RBM15B: variants seen among roughly 807,000 people sequenced by gnomAD.
RBM15B encodes the protein putative RNA-binding protein 15B.
In RBM15B, 11 loss-of-function variants were observed where a neutral mutation model predicts 53.3. That is an observed-to-expected ratio of 0.21 (90% CI 0.13 to 0.34). The LOEUF is 0.34. Ranked by LOEUF, RBM15B falls within the 10% of genes least tolerant of loss-of-function variation. The pLI is 1.00. For missense variants in RBM15B, 1,136 were observed against 1,250.3 expected (o/e 0.91, Z 1.38); for synonymous variants, 631 against 540.7 (o/e 1.17, Z -2.32).
Position 51,393,713 on chromosome 3 carries a change from G to A in RBM15B, c.2314G>A (p.Asp772Asn). The A allele has an allele frequency of 6.2e-7, 1 of 1,613,520 alleles. No homozygotes were observed. Among genetic ancestry groups the A allele is most frequent in the Non-Finnish European group, 8.5e-7 (1 of 1,179,892 alleles). Residue 772 changes from aspartate to asparagine, a missense_variant, in exon 1 of 1, where the codon GAC becomes AAC. By Grantham distance (23) the Asp-to-Asn change is conservative. Coordinates refer to ENST00000563281, the MANE Select transcript of RBM15B (RefSeq NM_013286.5). The surrounding 1 kb of genome is among the most constrained non-coding windows in gnomAD (Gnocchi z 5.6). ...QLKIAQRLRL[D>N]QPKLDEVTRR... Reference sequence around the variant, plus strand: ...GAAGATCGCCCAGCGCCTTCGACTGGACCAGCCCAAGCTTGACGAGGTCAC... The same window carrying A: ...GAAGATCGCCCAGCGCCTTCGACTGAACCAGCCCAAGCTTGACGAGGTCAC...
In RBM15B at chr3:51,391,850, C is replaced by G. The variant is rs199635039; in HGVS notation, c.451C>G (p.Pro151Ala). The stretch of plus-strand genomic sequence containing the variant: ...CATCAGCAGCTTGAGCCCCGCGCTG[C>G]CCGCCGAGCACCTCGAGGACCGGCT... ...LLISSLSPALPAEHLEDRLFH... is the reference protein window; with the variant it reads ...LLISSLSPALAAEHLEDRLFH... The change falls in exon 1 of 1, where the codon CCC (proline) becomes GCC (alanine). Residue 151 changes from proline (P) to alanine (A), a missense_variant. This residue lies in a region of RBM15B where 257 missense variants were observed against 261.1 expected (regional missense o/e 0.98). Transcript: ENST00000563281. This position sits in a 1 kb window ranked among gnomAD's most constrained non-coding sequence, Gnocchi z 4.5. 4 of 1,603,162 alleles carry G rather than the reference C, an allele frequency of 2.5e-6. No individual in the cohort carries two copies. Among genetic ancestry groups the G allele is most frequent in the Non-Finnish European group, 3.4e-6 (4 of 1,179,352 alleles).
Position 51,397,887 on chromosome 3 carries a change from T to A in RBM15B, c.*3815T>A, listed in dbSNP as rs1487450245. The A allele has an allele frequency of 6.0e-6, 1 of 166,676 alleles. No individual in the cohort carries two copies. The highest frequency in any genetic ancestry group is 1.5e-5 in the Non-Finnish European group (1 of 68,102). 10.3% of individuals were successfully genotyped at this position (166,676 alleles called of 1,614,324 possible). On this transcript the variant is annotated 3_prime_UTR_variant, in exon 1 of 1. Coordinates refer to ENST00000563281, the MANE Select transcript of RBM15B (RefSeq NM_013286.5). ...TTATTTTGTATTTTTTTTAAATAAATACACTTTACATTAAAGAAAAAGGCC... is the reference window on the plus strand; with the variant it reads ...TTATTTTGTATTTTTTTTAAATAAAAACACTTTACATTAAAGAAAAAGGCC...
Position 51,392,761 on chromosome 3 carries a change from C to A in RBM15B, c.1362C>A (p.Ser454Arg). 1 of 1,614,202 alleles carries A rather than the reference C, an allele frequency of 6.2e-7. No homozygotes were observed. Residue 454 changes from serine (S) to arginine (R), a missense_variant, in exon 1 of 1, where the codon AGC becomes AGA. Physicochemically the swap from Ser to Arg is moderately radical, Grantham distance 110 (BLOSUM62 -1). This residue lies in a region of RBM15B where 578 missense variants were observed against 581.6 expected (regional missense o/e 0.99). Coordinates refer to ENST00000563281, the MANE Select transcript of RBM15B (RefSeq NM_013286.5). This position sits in a 1 kb window ranked among gnomAD's most constrained non-coding sequence, Gnocchi z 7.5. ...CCATTGATCACGTCAAAGGAGATAG[C>A]TTTGCCTATATTCAGTACGAGAGCT... ...IRTIDHVKGDSFAYIQYESLD... is the reference protein window; with the variant it reads ...IRTIDHVKGDRFAYIQYESLD...
rs1306117351 is a variant in RBM15B at position 51,397,779 on chromosome 3, T to TG, written c.*3709dup. The stretch of plus-strand genomic sequence containing the variant: ...CCTGGAAGGTGTCTTCTCTATGGCC[T>TG]GGCTAGAGCTGCAAAAAAGGGACAC... On this transcript the variant is annotated 3_prime_UTR_variant, in exon 1 of 1. Coordinates refer to ENST00000563281, the MANE Select transcript of RBM15B (RefSeq NM_013286.5). 11 of 167,184 alleles carry TG rather than the reference T, an allele frequency of 6.6e-5. No homozygotes were observed. The East Asian group carries it at 2.1e-3, about 32-fold the overall frequency. 10.4% of individuals were successfully genotyped at this position (167,184 alleles called of 1,614,324 possible).
chr3:51,397,299 T>G lies in RBM15B; in HGVS notation c.*3227T>G, dbSNP rs1326491525. The G allele has an allele frequency of 1.2e-5, 2 of 167,080 alleles. No individual in the cohort carries two copies. Among genetic ancestry groups the G allele is most frequent in the East Asian group, 3.8e-4 (2 of 5,196 alleles). 10.3% of individuals were successfully genotyped at this position (167,080 alleles called of 1,614,324 possible). On this transcript the variant is annotated 3_prime_UTR_variant, in exon 1 of 1. Transcript: ENST00000563281. ...TGGAAATCCCTGGTACCTTGCCTGG[T>G]GGTTACACAGTTTAACCATAGGCCA...
Position 51,391,464 on chromosome 3 carries a change from G to T in RBM15B, c.65G>T (p.Arg22Leu). The change falls in exon 1 of 1, where the codon CGT becomes CTT. Residue 22 changes from arginine (R) to leucine (L), a missense_variant. By Grantham distance (102) the Arg-to-Leu change is moderately radical. This residue lies in a region of RBM15B where 257 missense variants were observed against 261.1 expected (regional missense o/e 0.98). Coordinates refer to ENST00000563281, the MANE Select transcript of RBM15B (RefSeq NM_013286.5). The surrounding 1 kb of genome is among the most constrained non-coding windows in gnomAD (Gnocchi z 4.5). Reference protein sequence around the residue: ...SGRGSSSSAKRPREREREAEA... With the variant: ...SGRGSSSSAKLPREREREAEA... ...CGCGGCTCGTCATCGTCCGCCAAGC[G>T]TCCGCGGGAGCGCGAACGGGAGGCG... 7.9e-7 allele frequency: 1 copy of T among 1,258,108 alleles called. No individual in the cohort carries two copies. Among genetic ancestry groups the T allele is most frequent in the Non-Finnish European group, 1.0e-6 (1 of 998,938 alleles). 77.9% of individuals were successfully genotyped at this position (1,258,108 alleles called of 1,614,324 possible).
rs1553621989 is a variant in RBM15B, at chr3:51,393,520, G to C, written c.2121G>C (p.Lys707Asn). Residue 707 changes from lysine (K) to asparagine (N), a missense_variant, in exon 1 of 1, where the codon AAG (lysine) becomes AAC (asparagine). Coordinates refer to ENST00000563281, the MANE Select transcript of RBM15B (RefSeq NM_013286.5). This position sits in a 1 kb window ranked among gnomAD's most constrained non-coding sequence, Gnocchi z 5.6. ...PLEEPKHETKKLKNLSEYAQT... is the reference protein window; with the variant it reads ...PLEEPKHETKNLKNLSEYAQT... Reference sequence around the variant, plus strand: ...AAGAGCCAAAACACGAGACCAAAAAGCTGAAGAATCTTTCAGAGTACGCTC... The same window carrying C: ...AAGAGCCAAAACACGAGACCAAAAACCTGAAGAATCTTTCAGAGTACGCTC... 1.2e-6 allele frequency: 2 copies of C among 1,614,186 alleles called. No homozygotes were observed. The highest frequency in any genetic ancestry group is 4.5e-5 in the East Asian group (2 of 44,868).
At position 51,393,958 on chromosome 3, in the gene RBM15B, C is replaced by T; in HGVS notation, c.2559C>T (p.Leu853=). 6.6e-7 allele frequency: 1 copy of T among 1,524,496 alleles called. No homozygotes were observed. Among genetic ancestry groups the T allele is most frequent in the Non-Finnish European group, 8.8e-7 (1 of 1,137,078 alleles). The allele number at this position is 1,524,496 out of a possible 1,614,324, so 94.4% of individuals were successfully genotyped here. Residue 853 remains leucine (L), a synonymous_variant, in exon 1 of 1, where the codon CTC becomes CTT. Coordinates refer to ENST00000563281, the MANE Select transcript of RBM15B (RefSeq NM_013286.5). This position sits in a 1 kb window ranked among gnomAD's most constrained non-coding sequence, Gnocchi z 5.6. The stretch of plus-strand genomic sequence containing the variant: ...AGGGCAGAGACGGCACAGGCATGCT[C>T]TACGCCTTCCCACCCTGCGACTTTT... ...GSKGRDGTGM[L]YAFPPCDFSQ...
Position 51,391,772 on chromosome 3 carries a change from G to A in RBM15B, c.373G>A (p.Glu125Lys). The change falls in exon 1 of 1, where the codon GAG becomes AAG. Residue 125 changes from glutamate to lysine, a missense_variant. By Grantham distance (56) the Glu-to-Lys change is moderately conservative (BLOSUM62 1). Around this residue, in one of 7 missense-constraint regions of RBM15B, gnomAD observed 257 missense variants for 261.1 expected, o/e 0.98. Coordinates refer to ENST00000563281, the MANE Select transcript of RBM15B (RefSeq NM_013286.5). The surrounding 1 kb of genome is among the most constrained non-coding windows in gnomAD (Gnocchi z 4.5). Reference sequence around the variant, plus strand: ...GCCGCCTCCGCCACCGCCTGGGGCCGAGCCCGCGTGTCCCGGCTCATCCGC... The same window carrying A: ...GCCGCCTCCGCCACCGCCTGGGGCCAAGCCCGCGTGTCCCGGCTCATCCGC... ...LPPPPPPPGA[E>K]PACPGSSAAA... The A allele has an allele frequency of 1.3e-6, 2 of 1,582,080 alleles. No homozygotes were observed. The highest frequency in any genetic ancestry group is 1.1e-5 in the South Asian group (1 of 89,576).
rs1553621637 is a variant in RBM15B, at chr3:51,392,057, C to G, written c.658C>G (p.Arg220Gly). The change falls in exon 1 of 1, where the codon CGT becomes GGT. Residue 220 changes from arginine (R) to glycine (G), a missense_variant. Transcript: ENST00000563281. The surrounding 1 kb of genome is among the most constrained non-coding windows in gnomAD (Gnocchi z 7.5). ...RPLKVEPVYLRGGGGSSRRSS... is the reference protein window; with the variant it reads ...RPLKVEPVYLGGGGGSSRRSS... ...GCTCAAGGTAGAGCCCGTGTACCTG[C>G]GTGGCGGCGGCGGGAGCAGTCGGCG... is the stretch of plus-strand genomic sequence containing the variant. The G allele has an allele frequency of 6.3e-7, 1 of 1,591,442 alleles. No homozygotes were observed. The highest frequency in any genetic ancestry group is 8.5e-7 in the Non-Finnish European group (1 of 1,176,250).
Position 51,392,844 on chromosome 3 carries a change from A to C in RBM15B, c.1445A>C (p.Asp482Ala). The change falls in exon 1 of 1, where the codon GAC (aspartate) becomes GCC (alanine). Residue 482 changes from aspartate (D) to alanine (A), a missense_variant. Around this residue, in one of 7 missense-constraint regions of RBM15B, gnomAD observed 578 missense variants for 581.6 expected, o/e 0.99. Transcript: ENST00000563281. This position sits in a 1 kb window ranked among gnomAD's most constrained non-coding sequence, Gnocchi z 7.5. ...KMRGFPLGGP[D>A]RRLRVDFAKA... is the part of the protein sequence containing the mutation. Reference sequence around the variant, plus strand: ...AGGGGTTTTCCCTTGGGTGGACCAGACCGCAGGCTCCGCGTGGATTTTGCC... The same window carrying C: ...AGGGGTTTTCCCTTGGGTGGACCAGCCCGCAGGCTCCGCGTGGATTTTGCC... 1.2e-6 allele frequency: 2 copies of C among 1,614,052 alleles called. No homozygotes were observed. Among genetic ancestry groups the C allele is most frequent in the Non-Finnish European group, 1.7e-6 (2 of 1,180,036 alleles).
rs782452004 is a variant in RBM15B, at chr3:51,392,024, G to A, written c.625G>A (p.Asp209Asn). 1.0e-5 allele frequency: 16 copies of A among 1,597,566 alleles called. No homozygotes were observed. The Admixed American group carries it at 1.5e-4, about 15-fold the overall frequency. Residue 209 changes from aspartate to asparagine, a missense_variant, in exon 1 of 1, where the codon GAC becomes AAC. By Grantham distance (23) the Asp-to-Asn change is conservative. Coordinates refer to ENST00000563281, the MANE Select transcript of RBM15B (RefSeq NM_013286.5). The surrounding 1 kb of genome is among the most constrained non-coding windows in gnomAD (Gnocchi z 7.5). ...HALARQLLLY[D>N]RPLKVEPVYL... The stretch of plus-strand genomic sequence containing the variant: ...CCTGGCCCGGCAGCTGCTGCTCTAC[G>A]ACCGCCCGCTCAAGGTAGAGCCCGT...
chr3:51,394,770 A>T lies in RBM15B; in HGVS notation c.*698A>T, dbSNP rs1359659981. The T allele has an allele frequency of 1.2e-5, 2 of 166,938 alleles. No individual in the cohort carries two copies. The highest frequency in any genetic ancestry group is 1.9e-4 in the East Asian group (1 of 5,196). The allele number at this position is 166,938 out of a possible 1,614,324, so 10.3% of individuals were successfully genotyped here. ...TTTGTTTGGGACAGAGTGCCCACTC[A>T]GCATGTTTGGCAGCAGGTAGCCTTC... On this transcript the variant is annotated 3_prime_UTR_variant, in exon 1 of 1. Transcript: ENST00000563281.
chr3:51,394,146 C>T lies in RBM15B; in HGVS notation c.*74C>T. 7.5e-7 allele frequency: 1 copy of T among 1,328,006 alleles called. No homozygotes were observed. The allele number at this position is 1,328,006 out of a possible 1,614,324, so 82.3% of individuals were successfully genotyped here. On this transcript the variant is annotated 3_prime_UTR_variant, in exon 1 of 1. Coordinates refer to ENST00000563281, the MANE Select transcript of RBM15B (RefSeq NM_013286.5). ...TTTTAAAATCTGATCCCCTCTCTAC[C>T]CTACCACTTTGGTTTGAATTATCTC...
rs1276879137 is a variant in RBM15B at position 51,396,762 on chromosome 3, A to C, written c.*2690A>C. The C allele has an allele frequency of 1.8e-5, 3 of 167,076 alleles. No homozygotes were observed. 10.3% of individuals were successfully genotyped at this position (167,076 alleles called of 1,614,324 possible). A position where few individuals can be genotyped will look rare whatever the true frequency, so the allele number is the denominator to read the frequency against. On this transcript the variant is annotated 3_prime_UTR_variant, in exon 1 of 1. Transcript: ENST00000563281. ...CCCTGTTATAGTCCCTGTCTCCCCC[A>C]CAGAGACCTGTGGGTGCTCCCAGCA...
At position 51,397,670 on chromosome 3, in the gene RBM15B, C is replaced by CACGGCAGG. The variant is rs1353144242; in HGVS notation, c.*3599_*3606dup. 1 of 166,874 alleles carries CACGGCAGG rather than the reference C, an allele frequency of 6.0e-6. No homozygotes were observed. The highest frequency in any genetic ancestry group is 2.4e-5 in the African/African-American group (1 of 41,174). 10.3% of individuals were successfully genotyped at this position (166,874 alleles called of 1,614,324 possible). The stretch of plus-strand genomic sequence containing the variant: ...ACAGGCCCTCCCCATGAGAGAGCTA[C>CACGGCAGG]ACGGCAGGGGCAGACACTGTGAGTA... On this transcript the variant is annotated 3_prime_UTR_variant, in exon 1 of 1. Coordinates refer to ENST00000563281, the MANE Select transcript of RBM15B (RefSeq NM_013286.5).
At position 51,394,227 on chromosome 3, in the gene RBM15B, T is replaced by TAA. The variant is rs1553622197; in HGVS notation, c.*156_*157dup. ...TCAAAGTCCTGTCCACCACCAAAAC[T>TAA]AAGTTCTTAGATTTTGGGGGATTTT... On this transcript the variant is annotated 3_prime_UTR_variant, in exon 1 of 1. Transcript: ENST00000563281. 1 of 1,083,194 alleles carries TAA rather than the reference T, an allele frequency of 9.2e-7. No homozygotes were observed. The highest frequency in any genetic ancestry group is 1.2e-6 in the Non-Finnish European group (1 of 838,536). 67.1% of individuals were successfully genotyped at this position (1,083,194 alleles called of 1,614,324 possible).
rs1020371702 is a variant in RBM15B, at chr3:51,393,354, C to T, written c.1955C>T (p.Ser652Phe). 2.5e-6 allele frequency: 4 copies of T among 1,612,852 alleles called. No individual in the cohort carries two copies. The highest frequency in any genetic ancestry group is 2.2e-5 in the South Asian group (2 of 91,042). ...SEGTKESSSNSLSNSRHGAEE... is the reference protein window; with the variant it reads ...SEGTKESSSNFLSNSRHGAEE... The stretch of plus-strand genomic sequence containing the variant: ...GGGACCAAGGAGTCCAGCAGCAACT[C>T]CCTCAGCAACAGCAGACATGGGGCT... Residue 652 changes from serine to phenylalanine, a missense_variant, in exon 1 of 1, where the codon TCC becomes TTC. By Grantham distance (155) the Ser-to-Phe change is radical (BLOSUM62 -2). This residue lies in a region of RBM15B where 578 missense variants were observed against 581.6 expected (regional missense o/e 0.99). Transcript: ENST00000563281. The surrounding 1 kb of genome is among the most constrained non-coding windows in gnomAD (Gnocchi z 5.6).
Position 51,393,907 on chromosome 3 carries a change from G to A in RBM15B, c.2508G>A (p.Val836=), listed in dbSNP as rs1553622097. 26 of 1,549,354 alleles carry A rather than the reference G, an allele frequency of 1.7e-5. No homozygotes were observed. Among genetic ancestry groups the A allele is most frequent in the Non-Finnish European group, 2.2e-5 (25 of 1,148,726 alleles). The change falls in exon 1 of 1, where the codon GTG becomes GTA. Residue 836 remains valine, a synonymous_variant. Transcript: ENST00000563281. This position sits in a 1 kb window ranked among gnomAD's most constrained non-coding sequence, Gnocchi z 5.6. ...TGAAACAGAAGCAGGCCGCAGGGGT[G>A]ATCAGCTTGCCAGTGGGGGGGTCCA... ...SYLKQKQAAG[V]ISLPVGGSKG...
Sources: allele counts gnomAD v4.1 joint callset, GRCh38; gene constraint gnomAD v4.1.1; regional missense constraint gnomAD v4.1.1; non-coding constraint Gnocchi (gnomAD v3.1); transcripts MANE v1.5; gene names NCBI Gene and HGNC (gene_info 2026-07-23, HGNC 2026-07-21).